Variants in STPG2 observed in about 807,000 individuals in gnomAD.
STPG2 encodes the protein sperm tail PG-rich repeat containing 2, also known as sperm-tail PG-rich repeat-containing protein 2.
Under a neutral mutation model 54.2 loss-of-function variants are expected in STPG2, and 56 were observed. The observed-to-expected ratio is 1.03, with a 90% CI of 0.83 to 1.29. The LOEUF is 1.29. Ranked by LOEUF, STPG2 falls within the 50% of genes most tolerant of loss-of-function variation. The pLI is 0.00. For synonymous variants in STPG2, 200 were observed against 181.8 expected, an observed-to-expected ratio of 1.10 and a Z score of -0.81; for missense variants, 596 against 544.9, an observed-to-expected ratio of 1.09 and a Z score of -0.93.
chr4:97,775,748 T>C (rs182992529), intron 9 of STPG2, among the ~76,000 whole-genome samples: 1 of 152,298 alleles, frequency 6.6e-6, no homozygotes, highest in Non-Finnish European at 1.5e-5. Context: ...GGGAGCAATA[T>C]GGTAAAGAAA....
At chr4:97,819,425 C>T (rs977746861) in intron 9 of STPG2, among the ~76,000 whole-genome samples, 3 of 152,066 alleles carry the variant, frequency 2.0e-5, no homozygotes, top group Non-Finnish European at 2.9e-5. Context: ...GTTCAATTAA[C>T]TTCTAAGATA....
At chr4:97,612,451 C>G (rs1043477845) in intron 10 of STPG2, among the ~76,000 whole-genome samples, 1 of 151,894 alleles carries the variant, frequency 6.6e-6, no homozygotes, top group Non-Finnish European at 1.5e-5. Context: ...GACGATTGAC[C>G]CTATAATCCT....
intron 9 of STPG2, among the ~76,000 whole-genome samples, chr4:97,721,912 T>C (rs1283380169): frequency 6.6e-6 from 1 of 152,102 alleles, no homozygotes; most frequent in African/African-American, 2.4e-5. Context: ...ACTGTGCAGA[T>C]TGTTTTTCTT....
At chr4:97,988,826 A>G (rs1734906706) in intron 5 of STPG2, among the ~76,000 whole-genome samples, 1 of 152,182 alleles carries the variant, frequency 6.6e-6, no homozygotes, top group Non-Finnish European at 1.5e-5. Flanking sequence ...TGGGTTCCCC[A>G]GACTGGTCTT....
intron 10 of STPG2, among the ~76,000 whole-genome samples, chr4:97,610,156 A>G (rs1368551842): frequency 6.6e-6 from 1 of 152,082 alleles, no homozygotes; most frequent in Non-Finnish European, 1.5e-5. Context: ...AAATAAAACC[A>G]ACAAAGCAGT....
At chr4:97,441,405 TCTAGATG>T (rs1729076581) in intron 4 of STPG2, 2 of 151,994 alleles carry the variant, frequency 1.3e-5, no homozygotes, top group East Asian at 1.9e-4. Flanking sequence ...ATTTTTTATC[TCTAGATG>T]TTAGAAGAGC....
At chr4:98,106,693 G>A (rs1431317642) in intron 4 of STPG2, among the ~76,000 whole-genome samples, 1 of 152,142 alleles carries the variant, frequency 6.6e-6, no homozygotes, top group Admixed American at 6.6e-5. Context: ...TGAATCTGGT[G>A]ATTGGAAACT....
At chr4:98,101,634 C>A (rs1346817978) in intron 5 of STPG2, among the ~76,000 whole-genome samples, 1 of 151,840 alleles carries the variant, frequency 6.6e-6, no homozygotes, top group Non-Finnish European at 1.5e-5. Flanking sequence ...GCAATTCCTG[C>A]GAGAGCTTTG....
At chr4:97,568,822 T>C (rs1041394872) in intron 10 of STPG2, among the ~76,000 whole-genome samples, 2 of 151,882 alleles carry the variant, frequency 1.3e-5, no homozygotes, top group African/African-American at 4.8e-5. Context: ...ATCCTAGCAG[T>C]TGTTTGAAGG....
At chr4:98,134,542 A>G in intron 1 of STPG2, 83 bp from the exon 2 acceptor site, 1 of 630,634 alleles carries the variant, frequency 1.6e-6, no homozygotes, top group Non-Finnish European at 2.5e-6. Context: ...ATATATAATC[A>G]TGAGTATCCT....
intron 8 of STPG2, among the ~76,000 whole-genome samples, chr4:97,869,673 C>A (rs913809458): frequency 4.0e-5 from 6 of 151,498 alleles, no homozygotes; most frequent in African/African-American, 1.5e-4. Context: ...CCAGACCCTG[C>A]CACTTTAGAA....
At chr4:97,663,818 T>C (rs1409187215) in intron 10 of STPG2, among the ~76,000 whole-genome samples, 1 of 152,242 alleles carries the variant, frequency 6.6e-6, no homozygotes, top group African/African-American at 2.4e-5. Context: ...ACTAAAACAA[T>C]AAGAAATTCC....
chr4:97,527,097 C>T (rs11734770), intron 4 of STPG2, among the ~76,000 whole-genome samples: 42,499 of 151,446 alleles, frequency 0.28, 6,938 homozygotes, highest in South Asian at 0.35. Context: ...TTTGCTGCAC[C>T]CATCAACCCG....
At chr4:97,926,052 T>C (rs1411997706) in intron 8 of STPG2, among the ~76,000 whole-genome samples, 1 of 152,182 alleles carries the variant, frequency 6.6e-6, no homozygotes, top group Non-Finnish European at 1.5e-5. Context: ...ACTACTAGTA[T>C]GGTTCTGTCT....
chr4:98,117,879 T>C (rs1446210647), intron 3 of STPG2, among the ~76,000 whole-genome samples: 1 of 152,134 alleles, frequency 6.6e-6, no homozygotes, highest in Non-Finnish European at 1.5e-5. Context: ...TCTTTGAACA[T>C]ATTTAAAATA....
chr4:97,904,034 G>A (rs137861580), intron 8 of STPG2, among the ~76,000 whole-genome samples: 6 of 152,114 alleles, frequency 3.9e-5, no homozygotes, highest in Non-Finnish European at 7.4e-5. Context: ...GGGGCGCCCA[G>A]CATTGCCCAG....
chr4:97,624,753 G>C (rs1473711699), intron 10 of STPG2, among the ~76,000 whole-genome samples: 2 of 152,108 alleles, frequency 1.3e-5, no homozygotes, highest in African/African-American at 2.4e-5. Flanking sequence ...TATAGTTTTG[G>C]ATGTTCCATT....
intron 5 of STPG2, among the ~76,000 whole-genome samples, chr4:98,090,755 T>C (rs1020510292): frequency 5.9e-5 from 9 of 152,020 alleles, no homozygotes; most frequent in African/African-American, 9.7e-5. Flanking sequence ...TTCTTCTTTA[T>C]TTCTTTCTTA....
intron 8 of STPG2, among the ~76,000 whole-genome samples, chr4:97,935,509 TG>T (rs1732718491): frequency 6.6e-6 from 1 of 152,228 alleles, no homozygotes; most frequent in African/African-American, 2.4e-5. Flanking sequence ...CTTTCTGATG[TG>T]GGCACTTAGT....
Sources: gnomAD v4.1 joint callset for allele counts (sites outside exome capture counted in the v4.1 genomes callset) on GRCh38, gnomAD v4.1.1 for gene constraint, MANE v1.5 for transcripts, NCBI Gene and HGNC (gene_info 2026-07-23, HGNC 2026-07-21) for gene names.